The following VPS54 variants were observed in gnomAD, a reference collection of about 807,000 sequenced individuals.
VPS54 encodes the protein vacuolar protein sorting-associated protein 54.
A neutral mutation model predicts 121.5 loss-of-function variants in VPS54; 45 were observed. The ratio of observed to expected loss-of-function variants is 0.37; its 90% confidence interval spans 0.29 to 0.47. VPS54 has a LOEUF of 0.47. Ranked by LOEUF, VPS54 falls within the 20% of genes least tolerant of loss-of-function variation. VPS54 has a pLI of 0.99. For missense variants in VPS54, 1,090 were observed against 1,131.4 expected, an observed-to-expected ratio of 0.96 and a Z score of 0.52; for synonymous variants, 371 against 385.8, an observed-to-expected ratio of 0.96 and a Z score of 0.45.
At chr2:63,965,996 G>A (rs376483306) in intron 5 of VPS54, 30 bp from the exon 6 acceptor site, 6 of 1,593,028 alleles carry the variant, frequency 3.8e-6, no homozygotes, top group Non-Finnish European at 5.1e-6. Flanking sequence ...CCCTCAATTA[G>A]ATAAGTATTT....
chr2:63,947,335 TCA>T, intron 9 of VPS54, 46 bp downstream of exon 9: 1 of 1,443,770 alleles, frequency 6.9e-7, no homozygotes, highest in Non-Finnish European at 9.3e-7. Flanking sequence ...AAAATAAACT[TCA>T]CAAAGGTTCC....
intron 1 of VPS54, among the ~76,000 whole-genome samples, chr2:64,016,077 T>G (rs778802925): frequency 2.6e-5 from 4 of 152,248 alleles, no homozygotes; most frequent in Non-Finnish European, 4.4e-5. Flanking sequence ...ATCTCCATGT[T>G]TCCTCATCTG....
chr2:63,943,453 A>G (rs922077821), intron 10 of VPS54, among the ~76,000 whole-genome samples: 1 of 152,174 alleles, frequency 6.6e-6, no homozygotes, highest in African/African-American at 2.4e-5. Context: ...CCAATGACTT[A>G]TGTTTTCCAA....
intron 1 of VPS54, among the ~76,000 whole-genome samples, chr2:64,003,178 C>A (rs1677964615): frequency 6.6e-6 from 1 of 151,958 alleles, no homozygotes; most frequent in Non-Finnish European, 1.5e-5. Context: ...TTCGAAAAAA[C>A]AAACAAGCAA....
In VPS54 at chr2:63,893,205, T is replaced by C. The variant is rs984896930; in HGVS notation, c.*225A>G. 15 of 584,066 alleles carry C rather than the reference T, an allele frequency of 2.6e-5. 1 individual carries two copies. In the Middle Eastern group the frequency reaches 1.1e-3, roughly 41 times the overall value. The allele number at this position is 584,066 out of a possible 1,614,324, so 36.2% of individuals were successfully genotyped here. On this transcript the variant is annotated 3_prime_UTR_variant, in exon 23 of 23. Coordinates refer to ENST00000272322, the MANE Select transcript of VPS54 (RefSeq NM_016516.3). ...TTTCCAGAGAGAATGAAAAATGTTA[T>C]AGACACCTGATCAGTTACTCCTCAC... is the stretch of plus-strand genomic sequence containing the variant.
At chr2:63,931,021 A>G (rs1674170482) in intron 12 of VPS54, among the ~76,000 whole-genome samples, 1 of 151,558 alleles carries the variant, frequency 6.6e-6, no homozygotes, top group South Asian at 2.1e-4. Context: ...GAGAGGACAC[A>G]AACAAATGGA....
chr2:63,938,074 G>T (rs1446235644), intron 11 of VPS54, among the ~76,000 whole-genome samples: 1 of 151,284 alleles, frequency 6.6e-6, no homozygotes, highest in Non-Finnish European at 1.5e-5. Context: ...GTGTGTGTGT[G>T]TGTGTGTGTG....
At chr2:63,976,634 G>C (rs2104599781) in intron 3 of VPS54, among the ~76,000 whole-genome samples, 1 of 152,066 alleles carries the variant, frequency 6.6e-6, no homozygotes, top group African/African-American at 2.4e-5. Context: ...GGCCTATTCA[G>C]AATATTTATT....
chr2:63,913,825 C>A lies in VPS54; in HGVS notation c.2334+357G>T, dbSNP rs369217272. On this transcript the variant is annotated intron_variant, in intron 17 of 22. Transcript: ENST00000272322. ...GAATGATGCAAGAAAAATCTCTAACCTTAGTGAGATGAATTTTGTAAAGTT... is the reference window on the plus strand; with the variant it reads ...GAATGATGCAAGAAAAATCTCTAACATTAGTGAGATGAATTTTGTAAAGTT... 113 of 1,055,124 alleles carry A rather than the reference C, an allele frequency of 1.1e-4. No individual in the cohort carries two copies. In the African/African-American group the frequency reaches 1.7e-3, roughly 16 times the overall value. The allele number at this position is 1,055,124 out of a possible 1,614,324, so 65.4% of individuals were successfully genotyped here. A position where few individuals can be genotyped will look rare whatever the true frequency, so the allele number is the denominator to read the frequency against.
intron 20 of VPS54, among the ~76,000 whole-genome samples, chr2:63,903,988 C>CT (rs1348928340): frequency 1.3e-5 from 2 of 152,032 alleles, no homozygotes; most frequent in Non-Finnish European, 2.9e-5. Flanking sequence ...CAGCTTCATT[C>CT]TGGGTATAAG....
chr2:64,000,494 T>C (rs2104672492), intron 1 of VPS54, among the ~76,000 whole-genome samples: 2 of 152,332 alleles, frequency 1.3e-5, no homozygotes, highest in East Asian at 1.9e-4. Context: ...TATTGTAGTC[T>C]TCACTGTCTG....
At chr2:63,998,145 T>A (rs1359483871) in intron 1 of VPS54, among the ~76,000 whole-genome samples, 2 of 152,250 alleles carry the variant, frequency 1.3e-5, no homozygotes, top group African/African-American at 4.8e-5. Context: ...TGCATATATA[T>A]TTACAATTGT....
chr2:63,950,111 T>TCA (rs760548560), intron 7 of VPS54, among the ~76,000 whole-genome samples: 15 of 152,352 alleles, frequency 9.8e-5, no homozygotes, highest in Non-Finnish European at 1.6e-4. Context: ...CCTTCATTCC[T>TCA]CACCCTTGTC....
At chr2:63,947,535 A>G in intron 8 of VPS54, 45 bp from the exon 9 acceptor site, 3 of 1,344,028 alleles carry the variant, frequency 2.2e-6, no homozygotes, top group Non-Finnish European at 3.0e-6. Flanking sequence ...AATATGAAGT[A>G]ATTTTACTTA....
intron 12 of VPS54, among the ~76,000 whole-genome samples, chr2:63,928,704 C>T (rs1674036789): frequency 6.6e-6 from 1 of 152,064 alleles, no homozygotes; most frequent in African/African-American, 2.4e-5. Context: ...AATTAAAAGA[C>T]ACAGACTGGC....
chr2:63,931,685 C>T (rs1009506115), intron 12 of VPS54, among the ~76,000 whole-genome samples: 1 of 152,126 alleles, frequency 6.6e-6, no homozygotes, highest in Non-Finnish European at 1.5e-5. Context: ...AGCTTCTGCA[C>T]AGCAAAAGAA....
At chr2:64,003,968 A>G (rs1158093044) in intron 1 of VPS54, among the ~76,000 whole-genome samples, 1 of 152,188 alleles carries the variant, frequency 6.6e-6, no homozygotes. Flanking sequence ...CCAGACATGG[A>G]ATACAGAAAG....
chr2:63,895,120 CTA>C (rs58608042), intron 22 of VPS54, among the ~76,000 whole-genome samples: 7,607 of 151,992 alleles, frequency 0.05, 354 homozygotes, highest in African/African-American at 0.12. Context: ...CTGTATGTGT[CTA>C]TTTTTAAAAT....
At chr2:63,951,481 A>G (rs72808254) in intron 7 of VPS54, among the ~76,000 whole-genome samples, 26,889 of 152,062 alleles carry the variant, frequency 0.18, 3,157 homozygotes, top group Non-Finnish European at 0.24. Flanking sequence ...CTGCTCAAAC[A>G]TAGATGACTA....
Sources: gnomAD v4.1 joint callset for allele counts (sites outside exome capture counted in the v4.1 genomes callset) on GRCh38, gnomAD v4.1.1 for gene constraint, MANE v1.5 for transcripts, NCBI Gene and HGNC (gene_info 2026-07-23, HGNC 2026-07-21) for gene names.